HMGCLL1: variants seen among roughly 807,000 people sequenced by gnomAD.
The protein encoded by HMGCLL1 is 3-hydroxy-3-methylglutaryl-CoA lyase like 1.
A neutral mutation model predicts 39.1 loss-of-function variants in HMGCLL1; 36 were observed. The ratio of observed to expected loss-of-function variants is 0.92; its 90% CI spans 0.71 to 1.22. HMGCLL1 has a LOEUF of 1.22. Among genes scored for constraint, HMGCLL1 ranks in the 50% most tolerant of loss-of-function variants. The probability of loss-of-function intolerance (pLI) is 0.00; values close to 1 mark genes in which losing one functional copy is unlikely to be tolerated. For missense variants in HMGCLL1, 451 were observed against 416.5 expected, an observed-to-expected ratio of 1.08 and a Z score of -0.72; for synonymous variants, 149 against 144.0, an observed-to-expected ratio of 1.03 and a Z score of -0.25.
chr6:55,600,561 G>A, the HMGCLL1 span, among the ~76,000 whole-genome samples: 1 of 151,994 alleles, frequency 6.6e-6, no homozygotes, highest in South Asian at 2.1e-4. Flanking sequence ...ATGAAAACAC[G>A]TGAAATAATC....
the HMGCLL1 span, among the ~76,000 whole-genome samples, chr6:55,657,193 C>T: frequency 1.3e-5 from 2 of 151,926 alleles, no homozygotes; most frequent in Non-Finnish European, 2.9e-5. Flanking sequence ...TGCAGAAGCG[C>T]TTTAGTTTAA....
the HMGCLL1 span, among the ~76,000 whole-genome samples, chr6:55,624,487 TC>T: frequency 6.6e-6 from 1 of 152,172 alleles, no homozygotes; most frequent in African/African-American, 2.4e-5. Flanking sequence ...ACCTTTACTG[TC>T]CTACCACAGG....
At chr6:55,440,263 A>ATACT (rs1763537707) in intron 7 of HMGCLL1, among the ~76,000 whole-genome samples, 1 of 152,170 alleles carries the variant, frequency 6.6e-6, no homozygotes, top group Non-Finnish European at 1.5e-5. Context: ...CATGAAGTAG[A>ATACT]TACTCTTGTA....
chr6:55,644,976 G>T, the HMGCLL1 span, among the ~76,000 whole-genome samples: 1 of 151,950 alleles, frequency 6.6e-6, no homozygotes, highest in Non-Finnish European at 1.5e-5. Context: ...TGAATCTTTT[G>T]ATTTGTTTGC....
intron 7 of HMGCLL1, among the ~76,000 whole-genome samples, chr6:55,487,335 T>G (rs918318346): frequency 6.6e-6 from 1 of 152,118 alleles, no homozygotes; most frequent in African/African-American, 2.4e-5. Flanking sequence ...CTGGGATACA[T>G]GTGCAGAATG....
the HMGCLL1 span, among the ~76,000 whole-genome samples, chr6:55,656,298 T>C: frequency 2.0e-5 from 3 of 152,100 alleles, no homozygotes; most frequent in Admixed American, 2.0e-4. Context: ...ATTTATGGAT[T>C]ATGGTGAAAA....
chr6:55,442,324 CAT>C (rs1031637431), intron 7 of HMGCLL1, among the ~76,000 whole-genome samples: 21 of 152,050 alleles, frequency 1.4e-4, no homozygotes, highest in African/African-American at 4.8e-4. Context: ...CTTATTCTAA[CAT>C]GTATTTATAT....
At chr6:55,451,208 G>T (rs1764065666) in intron 7 of HMGCLL1, among the ~76,000 whole-genome samples, 1 of 152,130 alleles carries the variant, frequency 6.6e-6, no homozygotes, top group Non-Finnish European at 1.5e-5. Flanking sequence ...ATACTAATCT[G>T]CAAATCACAG....
intron 6 of HMGCLL1, 145 bp from the exon 7 acceptor site, chr6:55,495,752 C>A: frequency 3.9e-6 from 2 of 510,832 alleles, no homozygotes; most frequent in Admixed American, 3.9e-5. Flanking sequence ...TTTTCTGGTC[C>A]TTTTTCTTTG....
At position 55,439,438 on chromosome 6, in the gene HMGCLL1, T is replaced by C. The variant is rs1355992760; in HGVS notation, c.917A>G (p.Asn306Ser). The C allele has an allele frequency of 6.2e-7, 1 of 1,611,570 alleles. No homozygotes were observed. The highest frequency in any genetic ancestry group is 8.5e-7 in the Non-Finnish European group (1 of 1,178,356). The part of the protein sequence containing the change: ...LIYMLNGLGL[N>S]TGVNLYKVME... ...AAATACGTTAAAGTAACTTACTGTA[T>C]TGAGCCCCAGGCCATTAAGCATATA... The change falls in exon 8 of 9, where the codon AAT becomes AGT. Residue 306 changes from asparagine to serine, a missense_variant. By Grantham distance (46) the Asn-to-Ser change is conservative (BLOSUM62 1). Transcript: ENST00000274901.
At chr6:55,636,710 G>A in the HMGCLL1 span, among the ~76,000 whole-genome samples, 1 of 152,066 alleles carries the variant, frequency 6.6e-6, no homozygotes, top group African/African-American at 2.4e-5. Flanking sequence ...TTTTCTCATT[G>A]CAATTACAGG....
chr6:55,535,138 CTAAG>C (rs1032505297), intron 3 of HMGCLL1, among the ~76,000 whole-genome samples: 12 of 152,338 alleles, frequency 7.9e-5, no homozygotes, highest in African/African-American at 2.9e-4. Context: ...TACTAAAGAA[CTAAG>C]TGTCTTCATT....
the HMGCLL1 span, among the ~76,000 whole-genome samples, chr6:55,652,275 CT>C: frequency 4.6e-5 from 7 of 150,794 alleles, no homozygotes; most frequent in Admixed American, 1.3e-4. Flanking sequence ...CTTATAAAAT[CT>C]TTTTTTTTAG....
chr6:55,510,803 A>T (rs937411439), intron 5 of HMGCLL1, among the ~76,000 whole-genome samples: 1 of 146,386 alleles, frequency 6.8e-6, no homozygotes, highest in Non-Finnish European at 1.5e-5. Context: ...ATAATAATAA[A>T]TATATATATA....
the HMGCLL1 span, among the ~76,000 whole-genome samples, chr6:55,632,563 A>G: frequency 6.6e-6 from 1 of 151,860 alleles, no homozygotes; most frequent in Admixed American, 6.6e-5. Context: ...AACTTACTAG[A>G]ACAGATCTGT....
At chr6:55,611,384 TA>T in the HMGCLL1 span, among the ~76,000 whole-genome samples, 1 of 151,912 alleles carries the variant, frequency 6.6e-6, no homozygotes, top group Non-Finnish European at 1.5e-5. Context: ...CTACCAGAGG[TA>T]AAAAAAGGAG....
At chr6:55,457,132 T>C (rs960155988) in intron 7 of HMGCLL1, among the ~76,000 whole-genome samples, 13 of 152,312 alleles carry the variant, frequency 8.5e-5, no homozygotes, top group African/African-American at 3.1e-4. Flanking sequence ...CCCAGAAAAA[T>C]GTAATCATCC....
chr6:55,514,135 T>C lies in HMGCLL1; in HGVS notation c.455A>G (p.Lys152Arg). 10 of 1,612,890 alleles carry C rather than the reference T, an allele frequency of 6.2e-6. No homozygotes were observed. Among genetic ancestry groups the C allele is most frequent in the Non-Finnish European group, 7.6e-6 (9 of 1,179,364 alleles). ...TTCTTCAATGGAACAGTTAATATTC[T>C]TCTTGCTAAAGGATTCAGATGCAGC... is the stretch of plus-strand genomic sequence containing the variant. ...FGAASESFSK[K>R]NINCSIEESM... Residue 152 changes from lysine (K) to arginine (R), a missense_variant, in exon 5 of 9, where the codon AAG becomes AGG. Physicochemically the swap from Lys to Arg is conservative, Grantham distance 26 (BLOSUM62 2). Transcript: ENST00000274901.
the HMGCLL1 span, among the ~76,000 whole-genome samples, chr6:55,603,490 C>T: frequency 1.3e-5 from 2 of 151,954 alleles, no homozygotes; most frequent in Non-Finnish European, 2.9e-5. Context: ...AGTTTTGCCA[C>T]CTCTTCTGTA....
Sources: gnomAD v4.1 joint callset for allele counts (sites outside exome capture counted in the v4.1 genomes callset) on GRCh38, gnomAD v4.1.1 for gene constraint, MANE v1.5 for transcripts, NCBI Gene and HGNC (gene_info 2026-07-23, HGNC 2026-07-21) for gene names.